Variants in SDK1 observed in about 807,000 individuals in gnomAD.
SDK1 encodes the protein protein sidekick-1.
In SDK1, 157 loss-of-function variants were observed where a neutral mutation model predicts 245.5. The observed-to-expected ratio is 0.64, with a 90% confidence interval of 0.56 to 0.73. The LOEUF is 0.73. SDK1 is among the 30% of genes least tolerant of loss of function. The pLI, the probability that SDK1 is intolerant of heterozygous loss-of-function variation, is 0.00. For missense variants in SDK1, 3,583 were observed against 3,002.3 expected (o/e 1.19, Z -4.52); for synonymous variants, 1,647 against 1,278.5 (o/e 1.29, Z -6.15).
At chr7:3,519,887 A>C (rs113233431) in intron 1 of SDK1, among the ~76,000 whole-genome samples, 2,240 of 152,244 alleles carry the variant, frequency 0.015, 35 homozygotes, top group Non-Finnish European at 0.023. Context: ...TATTGAATGC[A>C]AATATTGTGT....
chr7:3,480,249 A>G (rs1369184027), intron 1 of SDK1, among the ~76,000 whole-genome samples: 2 of 152,188 alleles, frequency 1.3e-5, no homozygotes, highest in Non-Finnish European at 2.9e-5. Context: ...GGCTGTGAAG[A>G]TGGAAGGGGG....
chr7:3,534,290 T>G (rs182301401), intron 1 of SDK1, among the ~76,000 whole-genome samples: 1 of 152,328 alleles, frequency 6.6e-6, no homozygotes, highest in Admixed American at 6.5e-5. Flanking sequence ...CCCATTCATC[T>G]GTCACCAGGC....
chr7:3,754,389 G>A (rs1583377635), intron 4 of SDK1, among the ~76,000 whole-genome samples: 1 of 152,144 alleles, frequency 6.6e-6, no homozygotes, highest in African/African-American at 2.4e-5. Context: ...AGGTAACTTA[G>A]CAAACTGTTA....
chr7:3,725,609 A>C (rs1385206638), intron 4 of SDK1, among the ~76,000 whole-genome samples: 1 of 152,140 alleles, frequency 6.6e-6, no homozygotes, highest in Admixed American at 6.5e-5. Flanking sequence ...TAAACCATAC[A>C]TAGAGAGACA....
chr7:3,698,527 C>G (rs1006336274), intron 4 of SDK1, among the ~76,000 whole-genome samples: 1 of 152,114 alleles, frequency 6.6e-6, no homozygotes, highest in Admixed American at 6.5e-5. Context: ...TCAGTGGAGG[C>G]GTATAAGGAG....
At chr7:3,645,757 A>G (rs1782815026) in intron 4 of SDK1, among the ~76,000 whole-genome samples, 1 of 152,156 alleles carries the variant, frequency 6.6e-6, no homozygotes, top group Non-Finnish European at 1.5e-5. Flanking sequence ...ATGGCATCAT[A>G]TTTGTTATAT....
At chr7:3,334,769 C>G (rs748092178) in intron 1 of SDK1, among the ~76,000 whole-genome samples, 3 of 152,158 alleles carry the variant, frequency 2.0e-5, no homozygotes, top group Non-Finnish European at 4.4e-5. Context: ...TAGTTTATCT[C>G]TAGCTTCAAC....
chr7:3,339,341 T>C lies in SDK1; in HGVS notation c.298+37457T>C, dbSNP rs182433650. Among the ~76,000 whole-genome samples the C allele has an allele frequency of 4.5e-4, 68 of 152,252 alleles. No individual in the cohort carries two copies. The East Asian group carries it at 0.013, about 29-fold the overall frequency. ...CAAATACTATATACATATAAATAAA[T>C]GTAATAAATAACTGAAGTCTTAAAC... is the stretch of plus-strand genomic sequence containing the variant. On this transcript the variant is annotated intron_variant, in intron 1 of 44. Transcript: ENST00000404826.
chr7:4,265,294 G>A lies in SDK1; in HGVS notation c.6552G>A (p.Pro2184=), dbSNP rs764760882. The A allele has an allele frequency of 1.1e-5, 18 of 1,581,634 alleles. No individual in the cohort carries two copies. The highest frequency in any genetic ancestry group is 1.7e-5 in the Admixed American group (1 of 57,642). ...CCGAGGCGGGCGCGCAGCTGCACCC[G>A]GTCATCACCACGCAGAGCGCGGGCG... ...AGSEAGAQLH[P]VITTQSAGGV... Residue 2184 remains proline (P), a synonymous_variant, in exon 45 of 45, where the codon CCG becomes CCA. Coordinates refer to ENST00000404826, the MANE Select transcript of SDK1 (RefSeq NM_152744.4).
At chr7:3,482,331 T>C (rs926503281) in intron 1 of SDK1, among the ~76,000 whole-genome samples, 3 of 152,134 alleles carry the variant, frequency 2.0e-5, no homozygotes, top group African/African-American at 7.2e-5. Flanking sequence ...GGCAGCGAGC[T>C]CTTAGACTGC....
chr7:3,371,321 A>C, intron 1 of SDK1, among the ~76,000 whole-genome samples: 1 of 152,154 alleles, frequency 6.6e-6, no homozygotes, highest in Non-Finnish European at 1.5e-5. Flanking sequence ...CCTAGTCAAA[A>C]CGCTGAGCAT....
chr7:3,565,989 A>G (rs957855774), intron 1 of SDK1, among the ~76,000 whole-genome samples: 1 of 152,202 alleles, frequency 6.6e-6, no homozygotes, highest in Admixed American at 6.5e-5. Context: ...GAATAAAAAC[A>G]TAAGATACGA....
intron 4 of SDK1, among the ~76,000 whole-genome samples, chr7:3,744,887 T>C (rs1303928469): frequency 6.6e-6 from 1 of 152,058 alleles, no homozygotes; most frequent in Non-Finnish European, 1.5e-5. Flanking sequence ...CAAAAATGTA[T>C]AGTATATCCA....
intron 1 of SDK1, among the ~76,000 whole-genome samples, chr7:3,378,990 C>T (rs4637713): frequency 1.6e-3 from 251 of 152,234 alleles, no homozygotes; most frequent in African/African-American, 5.9e-3. Context: ...TCAGCTCTTC[C>T]AGCTTCTCGT....
intron 4 of SDK1, among the ~76,000 whole-genome samples, chr7:3,654,902 A>T (rs1198011256): frequency 6.6e-6 from 1 of 152,208 alleles, no homozygotes; most frequent in Non-Finnish European, 1.5e-5. Context: ...TTAGCCCATT[A>T]TACATCTGAA....
At chr7:3,710,219 C>T (rs544758746) in intron 4 of SDK1, among the ~76,000 whole-genome samples, 1 of 152,278 alleles carries the variant, frequency 6.6e-6, no homozygotes, top group South Asian at 2.1e-4. Context: ...GCTGCTGTCC[C>T]ACATGTGTAC....
At chr7:3,697,893 G>C (rs1235099681) in intron 4 of SDK1, among the ~76,000 whole-genome samples, 1 of 152,158 alleles carries the variant, frequency 6.6e-6, no homozygotes, top group East Asian at 1.9e-4. Flanking sequence ...TTTGTCCTGA[G>C]TACAGCTAAA....
intron 4 of SDK1, among the ~76,000 whole-genome samples, chr7:3,692,555 C>CATTTCAGTT (rs2114997359): frequency 6.6e-6 from 1 of 152,084 alleles, no homozygotes; most frequent in Non-Finnish European, 1.5e-5. Context: ...TATTTGGGTA[C>CATTTCAGTT]ATTTCAGTTA....
intron 1 of SDK1, among the ~76,000 whole-genome samples, chr7:3,321,880 A>G (rs1304924608): frequency 1.4e-5 from 2 of 141,298 alleles, no homozygotes; most frequent in African/African-American, 5.3e-5. Context: ...CATTGTAAAC[A>G]TATTTGCAGG....
Sources: gnomAD v4.1 joint callset for allele counts (sites outside exome capture counted in the v4.1 genomes callset) on GRCh38, gnomAD v4.1.1 for gene constraint, MANE v1.5 for transcripts, NCBI Gene and HGNC (gene_info 2026-07-23, HGNC 2026-07-21) for gene names.